PKD2L2: variants seen among roughly 807,000 people sequenced by gnomAD.
PKD2L2 encodes polycystin 2 like 2, transient receptor potential cation channel.
Under a neutral mutation model 83.9 loss-of-function variants are expected in PKD2L2, and 67 were observed. The ratio of observed to expected loss-of-function variants is 0.80; its 90% confidence interval spans 0.66 to 0.98. PKD2L2 has a LOEUF of 0.98. Ranked by LOEUF, PKD2L2 falls within the 50% of genes least tolerant of loss-of-function variation. The probability of loss-of-function intolerance (pLI) is 0.00; values close to 1 mark genes in which losing one functional copy is unlikely to be tolerated. For synonymous variants in PKD2L2, 223 were observed against 237.8 expected (o/e 0.94, Z 0.57); for missense variants, 632 against 717.2 (o/e 0.88, Z 1.36).
At chr5:137,892,859 G>A (rs1175721233) in intron 3 of PKD2L2, among the ~76,000 whole-genome samples, 2 of 152,154 alleles carry the variant, frequency 1.3e-5, no homozygotes, top group African/African-American at 2.4e-5. Flanking sequence ...TGTAATCCCA[G>A]TACTTTGGGA....
intron 8 of PKD2L2, among the ~76,000 whole-genome samples, chr5:137,920,983 T>A (rs781231812): frequency 1.6e-4 from 25 of 152,170 alleles, no homozygotes; most frequent in Non-Finnish European, 2.9e-4. Flanking sequence ...CAATTCAAAG[T>A]TCTAATGTTT....
intron 12 of PKD2L2, among the ~76,000 whole-genome samples, chr5:137,928,662 G>T (rs1759585232): frequency 6.6e-6 from 1 of 152,136 alleles, no homozygotes; most frequent in Non-Finnish European, 1.5e-5. Context: ...GAGCTTCCGG[G>T]CTCAAGTGAT....
intron 3 of PKD2L2, among the ~76,000 whole-genome samples, chr5:137,892,984 C>T (rs1175511339): frequency 6.6e-6 from 1 of 152,058 alleles, no homozygotes; most frequent in Non-Finnish European, 1.5e-5. Context: ...TGACAGCCAC[C>T]TGTAATCCCG....
intron 11 of PKD2L2, 80 bp from the exon 12 acceptor site, chr5:137,925,795 A>G (rs1286660645): frequency 1.2e-5 from 9 of 769,832 alleles, no homozygotes; most frequent in Admixed American, 4.5e-5. Context: ...GATCCTTACT[A>G]CAGATCCGAT....
At chr5:137,900,911 G>T in intron 5 of PKD2L2, among the ~76,000 whole-genome samples, 1 of 152,148 alleles carries the variant, frequency 6.6e-6, no homozygotes, top group Non-Finnish European at 1.5e-5. Context: ...GCCGAGGTGG[G>T]AGAATCACCT....
At chr5:137,927,327 T>C (rs1759457022) in intron 12 of PKD2L2, among the ~76,000 whole-genome samples, 3 of 152,228 alleles carry the variant, frequency 2.0e-5, no homozygotes, top group Admixed American at 2.0e-4. Context: ...CATATAATCT[T>C]AACCTAAATC....
At chr5:137,939,896 T>C (rs1581022983) in intron 14 of PKD2L2, 2 of 1,338,376 alleles carry the variant, frequency 1.5e-6, no homozygotes, top group African/African-American at 3.0e-5. Context: ...ACAAAAAGCT[T>C]GCATTTCCAA....
chr5:137,894,113 G>A (rs1455221737), intron 3 of PKD2L2, among the ~76,000 whole-genome samples: 1 of 152,142 alleles, frequency 6.6e-6, no homozygotes, highest in African/African-American at 2.4e-5. Context: ...AGAGAAGAAG[G>A]GCTATGGGAT....
chr5:137,894,394 A>G lies in PKD2L2; in HGVS notation c.309A>G (p.Ser103=), dbSNP rs115376569. Residue 103 remains serine (S), a synonymous_variant, in exon 4 of 15, where the codon TCA becomes TCG. Transcript: ENST00000508883. ...TTTTGGAAGGTCTGTACTGGGATTCATGGTACAATAACCAGCAGCTGTATA... is the reference window on the plus strand; with the variant it reads ...TTTTGGAAGGTCTGTACTGGGATTCGTGGTACAATAACCAGCAGCTGTATA... ...GPLLEGLYWD[S]WYNNQQLYNL... is the part of the protein sequence containing the mutation. 6.8e-3 allele frequency: 11,026 copies of G among 1,610,914 alleles called. 684 individuals carry two copies. The African/African-American group carries it at 0.13, about 19-fold the overall frequency.
At chr5:137,900,039 C>T (rs1040467623) in intron 5 of PKD2L2, among the ~76,000 whole-genome samples, 8 of 152,138 alleles carry the variant, frequency 5.3e-5, no homozygotes, top group Non-Finnish European at 8.8e-5. Context: ...ACAAAGTATA[C>T]ACAAATCTAT....
At chr5:137,913,215 A>C (rs1580939768) in intron 8 of PKD2L2, among the ~76,000 whole-genome samples, 13 of 110,194 alleles carry the variant, frequency 1.2e-4, no homozygotes, top group East Asian at 2.6e-4. Flanking sequence ...AGACAGTCTC[A>C]CTCTGTTGCC....
chr5:137,940,318 C>G, intron 14 of PKD2L2: 2 of 1,606,986 alleles, frequency 1.2e-6, no homozygotes, highest in Non-Finnish European at 1.7e-6. Flanking sequence ...ACTCCTCAAG[C>G]ACTGGAACAC....
chr5:137,898,321 C>T (rs972379192), intron 4 of PKD2L2, among the ~76,000 whole-genome samples: 3 of 152,226 alleles, frequency 2.0e-5, no homozygotes, highest in East Asian at 1.9e-4. Context: ...AAAATATCTA[C>T]GTAACAACAT....
chr5:137,893,181 A>G (rs1382753901), intron 3 of PKD2L2, among the ~76,000 whole-genome samples: 2 of 152,170 alleles, frequency 1.3e-5, no homozygotes, highest in African/African-American at 4.8e-5. Flanking sequence ...GTATAGTGAA[A>G]TTTACTTTTA....
At position 137,910,712 on chromosome 5, in the gene PKD2L2, G is replaced by A. The variant is rs145672008; in HGVS notation, c.1328+1766G>A. On this transcript the variant is annotated intron_variant, in intron 8 of 14. Transcript: ENST00000508883. ...GGAGAATCCTTTAACCCGAGAGGCA[G>A]AGGTTGCAGTGAGCCAAGATCATGC... Among the ~76,000 whole-genome samples, 847 of 151,460 alleles carry A rather than the reference G, an allele frequency of 5.6e-3. 5 individuals are homozygous for A. Among genetic ancestry groups the A allele is most frequent in the Middle Eastern group, 0.02 (6 of 294 alleles).
intron 2 of PKD2L2, among the ~76,000 whole-genome samples, chr5:137,891,081 A>G (rs1755932815): frequency 6.6e-6 from 1 of 152,230 alleles, no homozygotes; most frequent in Non-Finnish European, 1.5e-5. Context: ...CTGGGAAAAC[A>G]TCTCAACCTG....
At chr5:137,938,706 G>A (rs763069047) in intron 14 of PKD2L2, 2 of 151,722 alleles carry the variant, frequency 1.3e-5, no homozygotes, top group Non-Finnish European at 2.9e-5. Context: ...TACTAGAACT[G>A]CTATTTATTA....
intron 6 of PKD2L2, 22 bp from the exon 7 acceptor site, chr5:137,907,720 C>A: frequency 7.2e-7 from 1 of 1,390,742 alleles, no homozygotes; most frequent in Non-Finnish European, 9.6e-7. Flanking sequence ...TCTAATTTAA[C>A]CCTTCTTATT....
At chr5:137,913,379 T>A (rs1443468914) in intron 8 of PKD2L2, among the ~76,000 whole-genome samples, 2 of 150,022 alleles carry the variant, frequency 1.3e-5, no homozygotes, top group African/African-American at 4.9e-5. Flanking sequence ...AGAGACAGGA[T>A]CTCATTTTGT....
Sources: gnomAD v4.1 joint callset for allele counts (sites outside exome capture counted in the v4.1 genomes callset) on GRCh38, gnomAD v4.1.1 for gene constraint, MANE v1.5 for transcripts, NCBI Gene and HGNC (gene_info 2026-07-23, HGNC 2026-07-21) for gene names.